The following L3MBTL4 variants were observed in gnomAD, a reference collection of about 807,000 sequenced individuals.
L3MBTL4 encodes lethal(3)malignant brain tumor-like protein 4.
Under a neutral mutation model 84.5 loss-of-function variants are expected in L3MBTL4, and 70 were observed. The observed-to-expected ratio is 0.83, with a 90% confidence interval of 0.68 to 1.01. The LOEUF (loss-of-function observed/expected upper bound fraction) is 1.01. Ranked by LOEUF, L3MBTL4 falls within the 50% of genes least tolerant of loss-of-function variation. The probability of loss-of-function intolerance (pLI) is 0.00; values close to 1 mark genes in which losing one functional copy is unlikely to be tolerated. For synonymous variants in L3MBTL4, 274 were observed against 259.8 expected (o/e 1.05, Z -0.52); for missense variants, 715 against 754.8 (o/e 0.95, Z 0.62).
intron 1 of L3MBTL4, among the ~76,000 whole-genome samples, chr18:6,330,391 C>T (rs163747): frequency 0.061 from 9,313 of 152,300 alleles, 355 homozygotes; most frequent in East Asian, 0.11. Flanking sequence ...ATTTTCTTGC[C>T]TTTCACAGTT....
chr18:6,186,140 G>A (rs2044748875), intron 12 of L3MBTL4, among the ~76,000 whole-genome samples: 2 of 151,884 alleles, frequency 1.3e-5, no homozygotes, highest in South Asian at 4.1e-4. Context: ...AGCCTCCCAA[G>A]TAGCCGGGAC....
intron 16 of L3MBTL4, among the ~76,000 whole-genome samples, chr18:5,996,999 G>C (rs964301708): frequency 7.0e-6 from 1 of 142,002 alleles, no homozygotes; most frequent in Admixed American, 6.8e-5. Context: ...AAGCACAATT[G>C]ATCCTCAGTA....
chr18:6,254,288 A>T (rs747888333), intron 5 of L3MBTL4, among the ~76,000 whole-genome samples: 1 of 152,148 alleles, frequency 6.6e-6, no homozygotes, highest in Non-Finnish European at 1.5e-5. Context: ...CCACTGACTA[A>T]ATAATAATAC....
chr18:6,200,767 C>G (rs182153765), intron 12 of L3MBTL4, among the ~76,000 whole-genome samples: 1 of 152,282 alleles, frequency 6.6e-6, no homozygotes, highest in African/African-American at 2.4e-5. Flanking sequence ...AAGCATATTG[C>G]TTCTTAAAGG....
At chr18:6,360,253 C>A (rs2053626063) in intron 1 of L3MBTL4, among the ~76,000 whole-genome samples, 1 of 152,092 alleles carries the variant, frequency 6.6e-6, no homozygotes, top group Non-Finnish European at 1.5e-5. Context: ...GCACTGTAGT[C>A]CCAGCTACTC....
chr18:6,016,732 T>C (rs754589154), intron 16 of L3MBTL4, among the ~76,000 whole-genome samples: 1 of 152,184 alleles, frequency 6.6e-6, no homozygotes, highest in Non-Finnish European at 1.5e-5. Flanking sequence ...ACAAAACCTA[T>C]GATAAACAAA....
intron 1 of L3MBTL4, among the ~76,000 whole-genome samples, chr18:6,342,386 T>C (rs1171396051): frequency 6.6e-6 from 1 of 152,162 alleles, no homozygotes; most frequent in Non-Finnish European, 1.5e-5. Context: ...TAAAGATAGA[T>C]TTATTATATT....
At chr18:6,001,372 G>A (rs2054205932) in intron 16 of L3MBTL4, among the ~76,000 whole-genome samples, 1 of 152,188 alleles carries the variant, frequency 6.6e-6, no homozygotes, top group Non-Finnish European at 1.5e-5. Context: ...GCACGACCAA[G>A]GAAAGCAGTG....
chr18:6,410,040 C>T (rs992178485), intron 1 of L3MBTL4, among the ~76,000 whole-genome samples: 5 of 151,224 alleles, frequency 3.3e-5, no homozygotes, highest in Non-Finnish European at 7.4e-5. Flanking sequence ...AGGTCACCTC[C>T]CTGACTCCCA....
At chr18:6,096,485 A>C (rs1311401835) in intron 14 of L3MBTL4, among the ~76,000 whole-genome samples, 1 of 152,188 alleles carries the variant, frequency 6.6e-6, no homozygotes, top group Non-Finnish European at 1.5e-5. Context: ...ACCAAGTTGC[A>C]ACACTGTGCT....
At chr18:6,029,968 G>A (rs1031795347) in intron 16 of L3MBTL4, 56 of 985,296 alleles carry the variant, frequency 5.7e-5, no homozygotes, top group Middle Eastern at 5.2e-4. Flanking sequence ...ACACTTTGAA[G>A]CCTCCTTTAC....
At chr18:6,020,307 GA>G (rs1215274829) in intron 16 of L3MBTL4, among the ~76,000 whole-genome samples, 4 of 151,984 alleles carry the variant, frequency 2.6e-5, no homozygotes, top group Non-Finnish European at 5.9e-5. Context: ...GTGGAGGTGA[GA>G]AGAAGGGGGA....
intron 4 of L3MBTL4, among the ~76,000 whole-genome samples, chr18:6,295,346 C>CTCTCTCTCTATATATATATATATA (rs1261475809): frequency 3.7e-5 from 3 of 81,388 alleles, no homozygotes; most frequent in African/African-American, 2.0e-4. Context: ...CTCTCTCTCT[C>CTCTCTCTCTATATATATATATATA]TATATATATA....
rs1377069107 is a variant in L3MBTL4, at chr18:6,301,962, A to G, written c.73-5T>C. 4.3e-6 allele frequency: 7 copies of G among 1,609,498 alleles called. No homozygotes were observed. Among genetic ancestry groups the G allele is most frequent in the Non-Finnish European group, 6.0e-6 (7 of 1,175,804 alleles). On this transcript the variant is annotated splice_region_variant and splice_polypyrimidine_tract_variant and intron_variant, in intron 3 of 18. Coordinates refer to ENST00000317931, the MANE Select transcript of L3MBTL4 (RefSeq NM_001330559.2). ...CTTTTCCTCTTCAGCTTGCTCCTAG[A>G]ATACAGAAAATGGTGTTTAGATGGT...
chr18:6,336,008 G>A (rs1014055175), intron 1 of L3MBTL4, among the ~76,000 whole-genome samples: 6 of 152,028 alleles, frequency 3.9e-5, no homozygotes, highest in Admixed American at 2.6e-4. Flanking sequence ...AGTAGTTAAC[G>A]GTTCAAAAGA....
intron 14 of L3MBTL4, among the ~76,000 whole-genome samples, chr18:6,111,648 G>A (rs948907027): frequency 6.6e-6 from 1 of 152,124 alleles, no homozygotes; most frequent in Non-Finnish European, 1.5e-5. Flanking sequence ...GCGTGTGAAC[G>A]ACTGAGCATC....
intron 13 of L3MBTL4, among the ~76,000 whole-genome samples, chr18:6,155,725 T>G (rs112248017): frequency 3.7e-4 from 56 of 152,284 alleles, no homozygotes; most frequent in African/African-American, 1.3e-3. Flanking sequence ...AATTTTCAGT[T>G]CTCTAAGTCT....
At chr18:6,189,264 C>T (rs552722766) in intron 12 of L3MBTL4, among the ~76,000 whole-genome samples, 1 of 152,112 alleles carries the variant, frequency 6.6e-6, no homozygotes, top group Non-Finnish European at 1.5e-5. Context: ...CTCATGAAAC[C>T]CAGGATGAGC....
Position 6,380,620 on chromosome 18 carries a change from T to C in L3MBTL4, c.-91+34181A>G, listed in dbSNP as rs981381495. On this transcript the variant is annotated intron_variant, in intron 1 of 18. Coordinates refer to ENST00000317931, the MANE Select transcript of L3MBTL4 (RefSeq NM_001330559.2). Reference sequence around the variant, plus strand: ...AGGTTGTTCAGTTTCCATGTAGTTGTGCGGTTTTAAGTGAGTTTCTTAATC... The same window carrying C: ...AGGTTGTTCAGTTTCCATGTAGTTGCGCGGTTTTAAGTGAGTTTCTTAATC... Among the ~76,000 whole-genome samples, 11 of 152,262 alleles carry C rather than the reference T, an allele frequency of 7.2e-5. No individual in the cohort carries two copies. In the East Asian group the frequency reaches 2.1e-3, roughly 29 times the overall value.
Sources: gnomAD v4.1 joint callset for allele counts (sites outside exome capture counted in the v4.1 genomes callset) on GRCh38, gnomAD v4.1.1 for gene constraint, MANE v1.5 for transcripts, NCBI Gene and HGNC (gene_info 2026-07-23, HGNC 2026-07-21) for gene names.